Variants in PRKG1 observed in about 807,000 individuals in gnomAD.
The protein encoded by PRKG1 is protein kinase cGMP-dependent 1, also known as cGMP-dependent protein kinase 1.
In PRKG1, 35 loss-of-function variants were observed where a neutral mutation model predicts 88.1. The observed-to-expected ratio is 0.40, with a 90% confidence interval of 0.30 to 0.53. PRKG1 has a LOEUF of 0.53. Among genes scored for constraint, PRKG1 ranks in the 20% least tolerant of loss-of-function variants. The probability of loss-of-function intolerance (pLI) is 0.59; values close to 1 mark genes in which losing one functional copy is unlikely to be tolerated. For missense variants in PRKG1, 540 were observed against 839.8 expected (o/e 0.64, Z 4.41); for synonymous variants, 303 against 292.5 (o/e 1.04, Z -0.37).
At chr10:51,997,770 A>G (rs1025711027) in intron 5 of PRKG1, among the ~76,000 whole-genome samples, 5 of 152,128 alleles carry the variant, frequency 3.3e-5, no homozygotes, top group African/African-American at 1.2e-4. Context: ...TAATCATATC[A>G]GCAGTGAATA....
At position 51,146,424 on chromosome 10, in the gene PRKG1, AATTATT is replaced by A. The variant is rs71029350; in HGVS notation, c.312-6721_312-6716del. On this transcript the variant is annotated intron_variant, in intron 1 of 17. Coordinates refer to ENST00000373980, the MANE Select transcript of PRKG1 (RefSeq NM_006258.4). Reference sequence around the variant, plus strand: ...AGATCACATGCCCATGTTTTAATCAAATTATTATTATTATTATTATTATTTTAAGTT... The same window carrying A: ...AGATCACATGCCCATGTTTTAATCAAATTATTATTATTATTATTTTAAGTT... 5.3e-3 allele frequency among the ~76,000 whole-genome samples: 784 copies of A among 149,138 alleles called. 9 individuals are homozygous for A. The highest frequency in any genetic ancestry group is 0.018 in the East Asian group (93 of 5,088).
intron 5 of PRKG1, among the ~76,000 whole-genome samples, chr10:51,965,559 AT>A (rs1843547250): frequency 6.6e-6 from 1 of 152,236 alleles, no homozygotes; most frequent in African/African-American, 2.4e-5. Flanking sequence ...CTGTTTCAGA[AT>A]ATAACAACAT....
chr10:51,329,519 C>T lies in PRKG1; in HGVS notation c.479-138204C>T, dbSNP rs190814786. Among the ~76,000 whole-genome samples, 197 of 152,266 alleles carry T rather than the reference C, an allele frequency of 1.3e-3. 2 individuals carry two copies. Among genetic ancestry groups the T allele is most frequent in the Admixed American group, 6.6e-3 (101 of 15,294 alleles). On this transcript the variant is annotated intron_variant, in intron 2 of 17. Transcript: ENST00000373980. ...TTAACTGTGTACTTATTTTTACCAG[C>T]GGGTTTTATACTTTCAGAGTTTTTG...
Position 51,115,372 on chromosome 10 carries a change from CATAT to C in PRKG1, c.312-37782_312-37779del, listed in dbSNP as rs57104400. ...GATGTTACAATAATGTTCCTTTAAA[CATAT>C]ATATATATAAAACAAATGTGAAAGG... On this transcript the variant is annotated intron_variant, in intron 1 of 17. Transcript: ENST00000373980. 9.4e-5 allele frequency among the ~76,000 whole-genome samples: 3 copies of C among 31,834 alleles called. 1 individual carries two copies. The highest frequency in any genetic ancestry group is 1.7e-4 in the Non-Finnish European group (2 of 11,842). 20.9% of individuals were successfully genotyped at this position (31,834 alleles called of 152,430 possible). A position where few individuals can be genotyped will look rare whatever the true frequency, so the allele number is the denominator to read the frequency against.
intron 2 of PRKG1, among the ~76,000 whole-genome samples, chr10:51,365,755 G>A (rs1842575268): frequency 6.6e-6 from 1 of 151,702 alleles, no homozygotes; most frequent in East Asian, 1.9e-4. Flanking sequence ...ATCATTTTTG[G>A]GGGATATTCC....
intron 3 of PRKG1, among the ~76,000 whole-genome samples, chr10:51,712,621 G>A (rs1194107918): frequency 1.8e-5 from 2 of 114,110 alleles, no homozygotes; most frequent in Admixed American, 1.4e-4. Context: ...ACGGAGTCTC[G>A]CTCAGTCGCC....
chr10:51,370,331 CAA>C (rs1842675838), intron 2 of PRKG1, among the ~76,000 whole-genome samples: 1 of 152,020 alleles, frequency 6.6e-6, no homozygotes, highest in Non-Finnish European at 1.5e-5. Flanking sequence ...TTATTTCTTG[CAA>C]AAGAGTTTGG....
chr10:51,252,875 A>C lies in PRKG1; in HGVS notation c.478+99545A>C, dbSNP rs189643697. 7.3e-4 allele frequency among the ~76,000 whole-genome samples: 110 copies of C among 150,020 alleles called. 1 individual carries two copies. Among genetic ancestry groups the C allele is most frequent in the African/African-American group, 2.6e-3 (104 of 39,748 alleles). On this transcript the variant is annotated intron_variant, in intron 2 of 17. Transcript: ENST00000373980. ...AAGTAAAAGCTTGAAACTGGCAATCATTGTTGTTTGGATCAGAAGCAAGAA... is the reference window on the plus strand; with the variant it reads ...AAGTAAAAGCTTGAAACTGGCAATCCTTGTTGTTTGGATCAGAAGCAAGAA...
chr10:51,990,468 T>C (rs979395864), intron 5 of PRKG1, among the ~76,000 whole-genome samples: 39 of 152,224 alleles, frequency 2.6e-4, no homozygotes, highest in African/African-American at 9.1e-4. Flanking sequence ...ATGATCGTAG[T>C]ATTTCTTTAC....
intron 9 of PRKG1, among the ~76,000 whole-genome samples, chr10:52,184,306 T>C (rs765274514): frequency 3.9e-5 from 6 of 152,204 alleles, no homozygotes; most frequent in Non-Finnish European, 8.8e-5. Context: ...GTTCAACCTA[T>C]GATTTTATAA....
Position 51,959,269 on chromosome 10 carries a change from T to G in PRKG1, c.762+51699T>G, listed in dbSNP as rs183534049. On this transcript the variant is annotated intron_variant, in intron 5 of 17. Transcript: ENST00000373980. ...AATCACAGAGTAATTAATCATCATT[T>G]TACGATAATTGGAGAAGATTTTGTA... Among the ~76,000 whole-genome samples, 298 of 152,270 alleles carry G rather than the reference T, an allele frequency of 2.0e-3. 4 individuals are homozygous for G. Among genetic ancestry groups the G allele is most frequent in the Middle Eastern group, 3.4e-3 (1 of 294 alleles).
chr10:52,094,658 A>C (rs1282744955), intron 7 of PRKG1, among the ~76,000 whole-genome samples: 5 of 152,174 alleles, frequency 3.3e-5, no homozygotes, highest in African/African-American at 1.2e-4. Flanking sequence ...GGATGCCAGC[A>C]TGGTAAGTTC....
At chr10:52,191,255 G>T (rs533058624) in intron 9 of PRKG1, among the ~76,000 whole-genome samples, 14 of 152,108 alleles carry the variant, frequency 9.2e-5, no homozygotes, top group Non-Finnish European at 7.4e-5. Flanking sequence ...TGGGCTCAAG[G>T]TATCATTCTC....
At chr10:52,027,576 T>G (rs76504673) in intron 5 of PRKG1, among the ~76,000 whole-genome samples, 1 of 152,128 alleles carries the variant, frequency 6.6e-6, no homozygotes, top group Non-Finnish European at 1.5e-5. Context: ...TTTGTCCAAG[T>G]AGACACACAT....
At chr10:51,034,688 A>ATATG (rs1843331756) in intron 1 of PRKG1, among the ~76,000 whole-genome samples, 1 of 129,792 alleles carries the variant, frequency 7.7e-6, no homozygotes. Context: ...ATATATATAT[A>ATATG]TATATATATA....
intron 3 of PRKG1, among the ~76,000 whole-genome samples, chr10:51,498,176 T>C (rs1006491717): frequency 6.6e-6 from 1 of 152,210 alleles, no homozygotes; most frequent in Non-Finnish European, 1.5e-5. Context: ...ATTAAGGATA[T>C]GTGAAGTTCA....
At chr10:51,956,434 A>G (rs1036964780) in intron 5 of PRKG1, among the ~76,000 whole-genome samples, 33 of 151,986 alleles carry the variant, frequency 2.2e-4, no homozygotes, top group Admixed American at 1.5e-3. Flanking sequence ...ACAATAAAAC[A>G]ATTTGAAATA....
chr10:51,906,377 C>A (rs1376305010), intron 4 of PRKG1, among the ~76,000 whole-genome samples: 2 of 152,154 alleles, frequency 1.3e-5, no homozygotes, highest in African/African-American at 4.8e-5. Flanking sequence ...GTCCTGAGAA[C>A]ATATGCCCAG....
At chr10:51,731,108 AT>A (rs1842262453) in intron 3 of PRKG1, among the ~76,000 whole-genome samples, 2 of 152,204 alleles carry the variant, frequency 1.3e-5, no homozygotes, top group African/African-American at 2.4e-5. Flanking sequence ...GTGAGCCGAC[AT>A]GATGCCACTG....
Sources: allele counts gnomAD v4.1 joint callset (sites outside exome capture counted in the v4.1 genomes callset), GRCh38; gene constraint gnomAD v4.1.1; transcripts MANE v1.5; gene names NCBI Gene and HGNC (gene_info 2026-07-23, HGNC 2026-07-21).